The following DENND2B variants were observed in gnomAD, a reference collection of about 807,000 sequenced individuals.
DENND2B encodes the protein DENN domain containing 2B, also known as DENN domain-containing protein 2B.
Under a neutral mutation model 116.0 loss-of-function variants are expected in DENND2B, and 32 were observed. The observed-to-expected ratio is 0.28, with a 90% confidence interval of 0.21 to 0.37. The LOEUF (loss-of-function observed/expected upper bound fraction) is 0.37, where lower values mean the gene tolerates loss of function less well. Among genes scored for constraint, DENND2B ranks in the 10% least tolerant of loss-of-function variants. The pLI, the probability that DENND2B is intolerant of heterozygous loss-of-function variation, is 1.00. For synonymous variants in DENND2B, 588 were observed against 583.9 expected, an observed-to-expected ratio of 1.01 and a Z score of -0.10; for missense variants, 1,276 against 1,477.7, an observed-to-expected ratio of 0.86 and a Z score of 2.24.
chr11:8,775,236 G>T lies in DENND2B; in HGVS notation c.-25-24511C>A, dbSNP rs189201782. ...GAGACCAAGGAAAGAATCAGGTGAA[G>T]AAAGGTATAGCTCTGATGTCGTGTT... On this transcript the variant is annotated intron_variant, in intron 1 of 19. Coordinates refer to ENST00000313726, the MANE Select transcript of DENND2B (RefSeq NM_213618.2). 1.4e-3 allele frequency among the ~76,000 whole-genome samples: 219 copies of T among 152,222 alleles called. 1 individual carries two copies. The highest frequency in any genetic ancestry group is 2.5e-3 in the Admixed American group (38 of 15,294).
intron 1 of DENND2B, among the ~76,000 whole-genome samples, chr11:8,890,211 G>A (rs1290728457): frequency 6.6e-6 from 1 of 152,142 alleles, no homozygotes; most frequent in Non-Finnish European, 1.5e-5. Context: ...CTAACAAACA[G>A]AAAGGACATC....
At chr11:8,738,478 GT>G (rs1253214156) in intron 2 of DENND2B, among the ~76,000 whole-genome samples, 2 of 152,184 alleles carry the variant, frequency 1.3e-5, no homozygotes, top group Non-Finnish European at 2.9e-5. Context: ...AAAGGTCAGA[GT>G]TTGTTCCCCT....
chr11:8,876,786 G>A (rs890401964), intron 2 of DENND2B, among the ~76,000 whole-genome samples: 5 of 151,882 alleles, frequency 3.3e-5, no homozygotes, highest in Non-Finnish European at 5.9e-5. Flanking sequence ...GCTAAGACAG[G>A]GAGAATTGCT....
intron 3 of DENND2B, among the ~76,000 whole-genome samples, chr11:8,850,175 C>A (rs1170102051): frequency 6.6e-6 from 1 of 151,986 alleles, no homozygotes; most frequent in African/African-American, 2.4e-5. Context: ...CATTAAATTA[C>A]TAAAAATTTT....
intron 1 of DENND2B, among the ~76,000 whole-genome samples, chr11:8,901,026 C>G (rs2064161108): frequency 6.6e-6 from 1 of 151,242 alleles, no homozygotes; most frequent in African/African-American, 2.4e-5. Context: ...GCTGGAATTA[C>G]AGGCGTGAGC....
In DENND2B at chr11:8,710,852, C is replaced by T; in HGVS notation, c.2345G>A (p.Arg782His). 2 of 1,613,866 alleles carry T rather than the reference C, an allele frequency of 1.2e-6. No homozygotes were observed. The highest frequency in any genetic ancestry group is 1.7e-6 in the Non-Finnish European group (2 of 1,179,990). The change falls in exon 11 of 20, where the codon CGC becomes CAC. Residue 782 changes from arginine to histidine, a missense_variant. This residue lies in a region of DENND2B where 420 missense variants were observed against 631.1 expected (regional missense o/e 0.67). Coordinates refer to ENST00000313726, the MANE Select transcript of DENND2B (RefSeq NM_213618.2). ...CCGAATGGCCTCACTCACCAGTAAG[C>T]GCCTGCAGTAGCCAAAGCGTCTGCT... is the stretch of plus-strand genomic sequence containing the variant. ...DGSRRFGYCR[R>H]LLPSGKGPRL...
intron 1 of DENND2B, among the ~76,000 whole-genome samples, chr11:8,782,672 G>T (rs2058489913): frequency 1.3e-5 from 2 of 152,132 alleles, no homozygotes; most frequent in South Asian, 4.1e-4. Context: ...AGATCACGAG[G>T]TCAGGAGATC....
intron 2 of DENND2B, among the ~76,000 whole-genome samples, chr11:8,740,610 A>C (rs977173128): frequency 1.3e-5 from 2 of 152,170 alleles, no homozygotes; most frequent in African/African-American, 4.8e-5. Flanking sequence ...GAGAGGTACC[A>C]TGAGTGCCAT....
At chr11:8,823,723 G>T (rs1269460317) in intron 4 of DENND2B, among the ~76,000 whole-genome samples, 1 of 152,124 alleles carries the variant, frequency 6.6e-6, no homozygotes, top group Non-Finnish European at 1.5e-5. Flanking sequence ...GGAACTGTGA[G>T]TCAATTAAAC....
At position 8,715,598 on chromosome 11, in the gene DENND2B, G is replaced by T; in HGVS notation, c.1845+5C>A. ...GCTCCAGTGGGCTGCCTCTGGGGAG[G>T]GTACCTTGGGAATGCGGCGGGCCCG... On this transcript the variant is annotated splice_donor_5th_base_variant and intron_variant, in intron 6 of 19. Transcript: ENST00000313726. 1 of 1,611,330 alleles carries T rather than the reference G, an allele frequency of 6.2e-7. No individual in the cohort carries two copies. The highest frequency in any genetic ancestry group is 1.1e-5 in the South Asian group (1 of 90,912).
Position 8,712,791 on chromosome 11 carries a change from T to C in DENND2B, c.1988-56A>G. 2.0e-6 allele frequency: 3 copies of C among 1,536,034 alleles called. No homozygotes were observed. The highest frequency in any genetic ancestry group is 1.8e-6 in the Non-Finnish European group (2 of 1,141,056). ...CCCTCACAGGCCTCATGTTAACTCC[T>C]CTACCCCTGGCTCAGGGCTCCATTG... On this transcript the variant is annotated intron_variant, in intron 8 of 19. Coordinates refer to ENST00000313726, the MANE Select transcript of DENND2B (RefSeq NM_213618.2). The surrounding 1 kb of genome is among the most constrained non-coding windows in gnomAD (Gnocchi z 4.4).
intron 1 of DENND2B, among the ~76,000 whole-genome samples, chr11:8,895,265 G>A (rs2064086075): frequency 6.6e-6 from 1 of 151,896 alleles, no homozygotes; most frequent in Non-Finnish European, 1.5e-5. Context: ...AGGGGGGTGG[G>A]AGGGATAGCA....
chr11:8,851,696 T>C (rs541269773), intron 3 of DENND2B, among the ~76,000 whole-genome samples: 16 of 151,744 alleles, frequency 1.1e-4, no homozygotes, highest in Admixed American at 4.6e-4. Context: ...ATATTCACCA[T>C]AGCATTTCTG....
chr11:8,828,457 G>C (rs1200173047), intron 4 of DENND2B, among the ~76,000 whole-genome samples: 1 of 152,068 alleles, frequency 6.6e-6, no homozygotes, highest in Non-Finnish European at 1.5e-5. Context: ...GGGAAGCTGG[G>C]GGTCAGGACG....
chr11:8,879,863 C>T (rs1434511702), intron 2 of DENND2B, among the ~76,000 whole-genome samples: 1 of 152,092 alleles, frequency 6.6e-6, no homozygotes, highest in Non-Finnish European at 1.5e-5. Context: ...AATTCACATG[C>T]TTAGTGAATT....
At chr11:8,768,281 C>G (rs953123158) in intron 1 of DENND2B, among the ~76,000 whole-genome samples, 1 of 152,214 alleles carries the variant, frequency 6.6e-6, no homozygotes, top group South Asian at 2.1e-4. Flanking sequence ...TTAGGTCTTG[C>G]TCTGTCTCCC....
At chr11:8,808,305 C>T (rs1208618688) in intron 1 of DENND2B, 1 of 152,254 alleles carries the variant, frequency 6.6e-6, no homozygotes, top group Non-Finnish European at 1.5e-5. Flanking sequence ...GGCCTCTTTT[C>T]CAGCTGCTAA....
intron 2 of DENND2B, among the ~76,000 whole-genome samples, chr11:8,733,082 T>A (rs914937433): frequency 1.3e-5 from 2 of 152,202 alleles, no homozygotes; most frequent in African/African-American, 4.8e-5. Context: ...ATCCCATGTG[T>A]ATATGGGCAC....
intron 6 of DENND2B, chr11:8,715,341 C>T (rs2044540366): frequency 2.0e-6 from 1 of 496,896 alleles, no homozygotes; most frequent in Non-Finnish European, 3.6e-6. Context: ...ATTCATACAC[C>T]ACACTTACTA....
Sources: gnomAD v4.1 joint callset for allele counts (sites outside exome capture counted in the v4.1 genomes callset) on GRCh38, gnomAD v4.1.1 for gene constraint, gnomAD v4.1.1 regional missense constraint, Gnocchi (gnomAD v3.1) non-coding constraint, MANE v1.5 for transcripts, NCBI Gene and HGNC (gene_info 2026-07-23, HGNC 2026-07-21) for gene names.